SLIT1: variants seen among roughly 807,000 people sequenced by gnomAD.
The protein encoded by SLIT1 is slit homolog 1 protein.
Under a neutral mutation model 186.1 loss-of-function variants are expected in SLIT1, and 66 were observed. The observed-to-expected ratio is 0.35, with a 90% CI of 0.29 to 0.44. The LOEUF (loss-of-function observed/expected upper bound fraction) is 0.44. Ranked by LOEUF, SLIT1 falls within the 20% of genes least tolerant of loss-of-function variation. SLIT1 has a pLI of 1.00. For missense variants in SLIT1, 1,638 were observed against 2,037.4 expected, an observed-to-expected ratio of 0.80 and a Z score of 3.77; for synonymous variants, 761 against 833.8, an observed-to-expected ratio of 0.91 and a Z score of 1.50.
intron 4 of SLIT1, among the ~76,000 whole-genome samples, chr10:97,095,048 C>T (rs1053755921): frequency 6.6e-6 from 1 of 152,082 alleles, no homozygotes; most frequent in Non-Finnish European, 1.5e-5. Context: ...TCTGAGAGGC[C>T]GAGGCAGGTG....
At chr10:97,100,411 G>T (rs1156253178) in intron 4 of SLIT1, among the ~76,000 whole-genome samples, 1 of 152,088 alleles carries the variant, frequency 6.6e-6, no homozygotes, top group East Asian at 1.9e-4. Context: ...ATCACTTGAG[G>T]CCAGGAGTTC....
intron 30 of SLIT1, among the ~76,000 whole-genome samples, chr10:97,013,501 C>T (rs1848428679): frequency 6.6e-6 from 1 of 152,162 alleles, no homozygotes; most frequent in African/African-American, 2.4e-5. Context: ...AAAACAAGCT[C>T]AGAGCAGGCA....
chr10:97,011,846 G>A (rs944302779), intron 30 of SLIT1, among the ~76,000 whole-genome samples: 4 of 151,868 alleles, frequency 2.6e-5, no homozygotes, highest in African/African-American at 7.3e-5. Context: ...CCAGAATACC[G>A]TCTCCTGTCT....
chr10:97,083,789 T>C (rs1564670883), intron 4 of SLIT1, among the ~76,000 whole-genome samples: 1 of 152,100 alleles, frequency 6.6e-6, no homozygotes. Context: ...GAGGCAGGCA[T>C]TGGAATCTTG....
chr10:97,142,860 T>C (rs1849779820), intron 4 of SLIT1, among the ~76,000 whole-genome samples: 1 of 152,158 alleles, frequency 6.6e-6, no homozygotes, highest in Non-Finnish European at 1.5e-5. Context: ...CCAACATAAC[T>C]AATCATGTTG....
chr10:97,147,653 T>C (rs1168296836), intron 4 of SLIT1, among the ~76,000 whole-genome samples: 1 of 151,528 alleles, frequency 6.6e-6, no homozygotes, highest in Non-Finnish European at 1.5e-5. Context: ...AGGAGGCCTT[T>C]GTGGGGGGCG....
At chr10:97,145,615 G>C (rs1380811579) in intron 4 of SLIT1, among the ~76,000 whole-genome samples, 1 of 152,182 alleles carries the variant, frequency 6.6e-6, no homozygotes, top group Non-Finnish European at 1.5e-5. Context: ...CAAATGGCCA[G>C]ATAAAGGTCA....
chr10:97,083,329 C>T (rs1849124164), intron 4 of SLIT1, among the ~76,000 whole-genome samples: 1 of 152,184 alleles, frequency 6.6e-6, no homozygotes, highest in Admixed American at 6.5e-5. Context: ...AACTGCAGAA[C>T]CCACAAGCTA....
chr10:97,091,251 C>T (rs1012104844), intron 4 of SLIT1, among the ~76,000 whole-genome samples: 4 of 152,228 alleles, frequency 2.6e-5, no homozygotes, highest in Non-Finnish European at 2.9e-5. Context: ...CCATGCACCA[C>T]TCCTGCCATC....
intron 1 of SLIT1, among the ~76,000 whole-genome samples, chr10:97,173,685 CTGGGGTTTCCAGGA>C (rs1454523607): frequency 3.5e-4 from 54 of 152,148 alleles, no homozygotes; most frequent in African/African-American, 1.3e-3. Flanking sequence ...TGGGTACAGC[CTGGGGTTTCCAGGA>C]TGTGAGGTTG....
At chr10:97,095,295 AAGAG>A (rs1396069995) in intron 4 of SLIT1, among the ~76,000 whole-genome samples, 1 of 152,188 alleles carries the variant, frequency 6.6e-6, no homozygotes, top group African/African-American at 2.4e-5. Context: ...AAACAAAAAA[AAGAG>A]AGAGAAAGAA....
At chr10:97,031,795 G>A in intron 23 of SLIT1, 118 bp from the exon 24 acceptor site, 2 of 756,176 alleles carry the variant, frequency 2.6e-6, no homozygotes, top group Non-Finnish European at 4.3e-6. Flanking sequence ...GCTCTGTGAG[G>A]GGAGGCAGAG....
chr10:97,018,051 G>A (rs1848469297), intron 28 of SLIT1, among the ~76,000 whole-genome samples: 1 of 152,060 alleles, frequency 6.6e-6, no homozygotes, highest in East Asian at 1.9e-4. Context: ...GTTTCACTAT[G>A]TTGGCCAGGC....
At chr10:97,030,919 A>T in intron 24 of SLIT1, 91 bp from the exon 25 acceptor site, 1 of 1,101,322 alleles carries the variant, frequency 9.1e-7, no homozygotes, top group Non-Finnish European at 1.4e-6. Flanking sequence ...CAGAGAGGGG[A>T]CAGGCCGTGC....
intron 4 of SLIT1, among the ~76,000 whole-genome samples, chr10:97,080,598 A>G (rs960186420): frequency 3.3e-5 from 5 of 152,188 alleles, no homozygotes; most frequent in Non-Finnish European, 7.3e-5. Flanking sequence ...TCCAAGCTCC[A>G]CCATTCCTCT....
intron 4 of SLIT1, among the ~76,000 whole-genome samples, chr10:97,107,089 GT>G (rs1849422017): frequency 6.6e-6 from 1 of 152,244 alleles, no homozygotes; most frequent in African/African-American, 2.4e-5. Context: ...CCTCCAGGAT[GT>G]TTGCCAAGGG....
chr10:97,108,177 C>A (rs1256302968), intron 4 of SLIT1, among the ~76,000 whole-genome samples: 1 of 152,112 alleles, frequency 6.6e-6, no homozygotes, highest in Admixed American at 6.5e-5. Context: ...GGCATCAGCA[C>A]CCTGTGGGCA....
At position 97,068,925 on chromosome 10, in the gene SLIT1, T is replaced by G. The variant is rs1392185327; in HGVS notation, c.414-2839A>C. Reference sequence around the variant, plus strand: ...GTCTTGAGAGGCTCATTTCAGTCTTTGCCTGCCTAATCCTTGTTATCATCT... The same window carrying G: ...GTCTTGAGAGGCTCATTTCAGTCTTGGCCTGCCTAATCCTTGTTATCATCT... On this transcript the variant is annotated intron_variant, in intron 4 of 36. Transcript: ENST00000266058. This position sits in a 1 kb window ranked among gnomAD's most constrained non-coding sequence, Gnocchi z 4.2. 1.3e-5 allele frequency among the ~76,000 whole-genome samples: 2 copies of G among 152,232 alleles called. No homozygotes were observed. Among genetic ancestry groups the G allele is most frequent in the African/African-American group, 4.8e-5 (2 of 41,470 alleles).
At chr10:97,063,715 T>C (rs1589379725) in intron 7 of SLIT1, 97 bp from the exon 8 acceptor site, 2 of 1,333,234 alleles carry the variant, frequency 1.5e-6, no homozygotes, top group East Asian at 5.0e-5. Context: ...CCCCCGGTGC[T>C]GTGTTCAAGC....
Sources: gnomAD v4.1 joint callset for allele counts (sites outside exome capture counted in the v4.1 genomes callset) on GRCh38, gnomAD v4.1.1 for gene constraint, Gnocchi (gnomAD v3.1) non-coding constraint, MANE v1.5 for transcripts, NCBI Gene and HGNC (gene_info 2026-07-23, HGNC 2026-07-21) for gene names.